The following MLLT1 variants were observed in gnomAD, a reference collection of about 807,000 sequenced individuals.
MLLT1 encodes protein ENL.
A neutral mutation model predicts 55.1 loss-of-function variants in MLLT1; 11 were observed. That is an observed-to-expected ratio of 0.20 (90% confidence interval 0.13 to 0.33). MLLT1 has a LOEUF of 0.33. MLLT1 is among the 10% of genes least tolerant of loss of function. The pLI is 1.00. For synonymous variants in MLLT1, 323 were observed against 320.1 expected, an observed-to-expected ratio of 1.01 and a Z score of -0.10; for missense variants, 536 against 760.6, an observed-to-expected ratio of 0.70 and a Z score of 3.47.
intron 3 of MLLT1, among the ~76,000 whole-genome samples, chr19:6,247,903 T>TG (rs1291105811): frequency 0.022 from 3,349 of 151,204 alleles, 135 homozygotes; most frequent in African/African-American, 0.078. Context: ...TTTGTTTGTT[T>TG]TTTGTGAGAC....
At chr19:6,233,089 C>G (rs1402475564) in intron 3 of MLLT1, among the ~76,000 whole-genome samples, 1 of 152,184 alleles carries the variant, frequency 6.6e-6, no homozygotes, top group East Asian at 1.9e-4. Context: ...ACGGCCACAC[C>G]CTCAGTCCTG....
chr19:6,277,217 A>G (rs2091432663), intron 1 of MLLT1, among the ~76,000 whole-genome samples: 2 of 152,366 alleles, frequency 1.3e-5, no homozygotes, highest in Admixed American at 1.3e-4. Context: ...AGGAAGGGAC[A>G]GAACCCTTGG....
At chr19:6,248,777 T>C (rs1428978381) in intron 3 of MLLT1, among the ~76,000 whole-genome samples, 1 of 152,230 alleles carries the variant, frequency 6.6e-6, no homozygotes, top group Non-Finnish European at 1.5e-5. Context: ...TCACGGCGAT[T>C]GTACTGATGC....
intron 2 of MLLT1, among the ~76,000 whole-genome samples, chr19:6,266,771 T>C (rs558436608): frequency 6.6e-6 from 1 of 152,258 alleles, no homozygotes; most frequent in East Asian, 1.9e-4. Context: ...ATGTCTGAAG[T>C]AATCTCTTGG....
Position 6,211,548 on chromosome 19 carries a change from C to A in MLLT1, c.*1494G>T, listed in dbSNP as rs2090771743. 3 of 1,018,438 alleles carry A rather than the reference C, an allele frequency of 2.9e-6. No homozygotes were observed. The highest frequency in any genetic ancestry group is 9.5e-5 in the South Asian group (2 of 20,992). The allele number at this position is 1,018,438 out of a possible 1,614,324, so 63.1% of individuals were successfully genotyped here. A position where few individuals can be genotyped will look rare whatever the true frequency, so the allele number is the denominator to read the frequency against. Reference sequence around the variant, plus strand: ...AGCCCCCCAAGTCTGAACTCATAGGCTGGGGAGGAGGAGACATCTAGGTGG... The same window carrying A: ...AGCCCCCCAAGTCTGAACTCATAGGATGGGGAGGAGGAGACATCTAGGTGG... On this transcript the variant is annotated 3_prime_UTR_variant, in exon 12 of 12. Coordinates refer to ENST00000252674, the MANE Select transcript of MLLT1 (RefSeq NM_005934.4). The surrounding 1 kb of genome is among the most constrained non-coding windows in gnomAD (Gnocchi z 4.6).
chr19:6,217,200 G>A (rs988164959), intron 7 of MLLT1, among the ~76,000 whole-genome samples: 2 of 151,982 alleles, frequency 1.3e-5, no homozygotes, highest in Non-Finnish European at 2.9e-5. Flanking sequence ...CAGCCCCCTC[G>A]GCAACTGCAC....
intron 1 of MLLT1, among the ~76,000 whole-genome samples, chr19:6,278,077 G>GC (rs1046406000): frequency 3.9e-5 from 6 of 151,930 alleles, no homozygotes; most frequent in Non-Finnish European, 7.4e-5. Flanking sequence ...GAGGATTCTT[G>GC]CCCCCCACCC....
intron 3 of MLLT1, among the ~76,000 whole-genome samples, chr19:6,236,638 G>A (rs191605090): frequency 6.6e-5 from 10 of 152,284 alleles, no homozygotes; most frequent in East Asian, 1.9e-4. Flanking sequence ...AGTGAGTCAC[G>A]GGCACTGGGA....
chr19:6,214,797 C>T (rs532800139), intron 8 of MLLT1, among the ~76,000 whole-genome samples: 3 of 152,342 alleles, frequency 2.0e-5, no homozygotes, highest in Admixed American at 2.0e-4. Context: ...ACAGCAAACC[C>T]CAGGCCTCCT....
At chr19:6,265,936 G>A (rs1437234872) in intron 2 of MLLT1, among the ~76,000 whole-genome samples, 2 of 151,862 alleles carry the variant, frequency 1.3e-5, no homozygotes, top group Non-Finnish European at 2.9e-5. Flanking sequence ...CCGAGAACGC[G>A]CCACTGCACT....
intron 2 of MLLT1, among the ~76,000 whole-genome samples, chr19:6,265,166 C>T (rs1243269549): frequency 2.0e-5 from 3 of 151,840 alleles, no homozygotes; most frequent in Admixed American, 6.6e-5. Flanking sequence ...GGATGAGGAC[C>T]GAATGGCATC....
intron 3 of MLLT1, among the ~76,000 whole-genome samples, chr19:6,249,855 TC>T (rs1256129335): frequency 6.6e-6 from 1 of 151,956 alleles, no homozygotes; most frequent in African/African-American, 2.4e-5. Flanking sequence ...AGACCTCATC[TC>T]TACAAAAATA....
At chr19:6,266,050 G>C (rs904810502) in intron 2 of MLLT1, among the ~76,000 whole-genome samples, 2 of 152,108 alleles carry the variant, frequency 1.3e-5, no homozygotes, top group Non-Finnish European at 2.9e-5. Flanking sequence ...GGAGGCCAAG[G>C]CGGGAAGATT....
chr19:6,261,368 G>A (rs1225279095), intron 3 of MLLT1, among the ~76,000 whole-genome samples: 2 of 152,204 alleles, frequency 1.3e-5, no homozygotes, highest in African/African-American at 4.8e-5. Flanking sequence ...AAGGCCCTTC[G>A]TGCCAGAGGG....
In MLLT1 at chr19:6,262,846, C is replaced by T. The variant is rs961192512; in HGVS notation, c.194-536G>A. Among the ~76,000 whole-genome samples, 19 of 151,782 alleles carry T rather than the reference C, an allele frequency of 1.3e-4. No homozygotes were observed. Among genetic ancestry groups the T allele is most frequent in the Non-Finnish European group, 2.8e-4 (19 of 67,976 alleles). The stretch of plus-strand genomic sequence containing the variant: ...AGTTTAGCACCTAATAAGAGCATTC[C>T]CAAGTGACGCAAACAAAACCCCATT... On this transcript the variant is annotated intron_variant, in intron 2 of 11. Transcript: ENST00000252674. This position sits in a 1 kb window ranked among gnomAD's most constrained non-coding sequence, Gnocchi z 4.4.
chr19:6,215,963 G>A (rs976668373), intron 8 of MLLT1, among the ~76,000 whole-genome samples: 1 of 152,134 alleles, frequency 6.6e-6, no homozygotes, highest in African/African-American at 2.4e-5. Flanking sequence ...TCCCACACTG[G>A]GTGTCCGCTG....
At chr19:6,248,123 G>A (rs1381205821) in intron 3 of MLLT1, among the ~76,000 whole-genome samples, 1 of 152,138 alleles carries the variant, frequency 6.6e-6, no homozygotes, top group Non-Finnish European at 1.5e-5. Context: ...CCTGACCTCA[G>A]GTGATTCACT....
At chr19:6,239,817 C>CA (rs2091098925) in intron 3 of MLLT1, among the ~76,000 whole-genome samples, 1 of 152,214 alleles carries the variant, frequency 6.6e-6, no homozygotes, top group Admixed American at 6.5e-5. Context: ...CATGCACACT[C>CA]AGACTCACGC....
At chr19:6,275,214 C>T (rs1055089380) in intron 1 of MLLT1, among the ~76,000 whole-genome samples, 3 of 152,226 alleles carry the variant, frequency 2.0e-5, no homozygotes, top group East Asian at 1.9e-4. Flanking sequence ...ACTTGGACTT[C>T]GCCCAGTGGT....
Sources: allele counts gnomAD v4.1 joint callset (sites outside exome capture counted in the v4.1 genomes callset), GRCh38; gene constraint gnomAD v4.1.1; non-coding constraint Gnocchi (gnomAD v3.1); transcripts MANE v1.5; gene names NCBI Gene and HGNC (gene_info 2026-07-23, HGNC 2026-07-21).